The following MYCT1 variants were observed in gnomAD, a reference collection of about 807,000 sequenced individuals.
The protein encoded by MYCT1 is MYC target 1.
A neutral mutation model predicts 15.0 loss-of-function variants in MYCT1; 12 were observed. The observed-to-expected ratio is 0.80, with a 90% CI of 0.51 to 1.29. MYCT1 has a LOEUF of 1.29. Ranked by LOEUF, MYCT1 falls within the 50% of genes most tolerant of loss-of-function variation. MYCT1 has a pLI of 0.00. For synonymous variants in MYCT1, 104 were observed against 102.7 expected (o/e 1.01, Z -0.07); for missense variants, 287 against 279.1 (o/e 1.03, Z -0.20).
chr6:152,722,200 A>G lies in MYCT1; in HGVS notation c.655A>G (p.Thr219Ala). 1.9e-6 allele frequency: 3 copies of G among 1,614,066 alleles called. No individual in the cohort carries two copies. Among genetic ancestry groups the G allele is most frequent in the Admixed American group, 1.7e-5 (1 of 60,002 alleles). Residue 219 changes from threonine (T) to alanine (A), a missense_variant, in exon 2 of 2, where the codon ACA becomes GCA. Transcript: ENST00000367245. ...TAACAGTCTTCGAGTGGGCCTTTCA[A>G]CACCGCCCCCACCTGCCTATGAGTC... ...SSNSLRVGLSTPPPPAYESII... is the reference protein window; with the variant it reads ...SSNSLRVGLSAPPPPAYESII...
chr6:152,706,838 A>G (rs2099722353), intron 1 of MYCT1, among the ~76,000 whole-genome samples: 1 of 134,082 alleles, frequency 7.5e-6, no homozygotes. Context: ...TCCATTATAG[A>G]AACCATATAT....
intron 1 of MYCT1, among the ~76,000 whole-genome samples, chr6:152,701,084 C>T (rs1205939620): frequency 6.6e-6 from 1 of 152,044 alleles, no homozygotes; most frequent in Non-Finnish European, 1.5e-5. Context: ...GAAATAATCC[C>T]TAAATCTTTC....
At chr6:152,735,890 G>T in the MYCT1 span, among the ~76,000 whole-genome samples, 1 of 151,972 alleles carries the variant, frequency 6.6e-6, no homozygotes, top group Non-Finnish European at 1.5e-5. Flanking sequence ...ACAGTTAAAA[G>T]AAAAAAGCCC....
chr6:152,716,018 C>G (rs1281095685), intron 1 of MYCT1, among the ~76,000 whole-genome samples: 1 of 152,290 alleles, frequency 6.6e-6, no homozygotes, highest in East Asian at 1.9e-4. Flanking sequence ...ATAATGTTCT[C>G]TCTGACTACT....
At chr6:152,704,207 G>T (rs1027348125) in intron 1 of MYCT1, among the ~76,000 whole-genome samples, 3 of 151,854 alleles carry the variant, frequency 2.0e-5, no homozygotes, top group Admixed American at 6.6e-5. Context: ...TTGCCATGTT[G>T]CCCAGACTAG....
chr6:152,726,543 TCA>T (rs149277022), downstream of MYCT1, among the ~76,000 whole-genome samples: 913 of 152,270 alleles, frequency 6.0e-3, 6 homozygotes, highest in African/African-American at 0.021. Flanking sequence ...GTTTTCTAAA[TCA>T]CAGTTCGGTG....
chr6:152,719,303 A>G (rs1166389608), intron 1 of MYCT1, among the ~76,000 whole-genome samples: 2 of 152,186 alleles, frequency 1.3e-5, no homozygotes, highest in Non-Finnish European at 2.9e-5. Context: ...GAATCGACCA[A>G]TTTTTATGCA....
chr6:152,726,345 C>T (rs989153661), downstream of MYCT1, among the ~76,000 whole-genome samples: 3 of 148,048 alleles, frequency 2.0e-5, no homozygotes, highest in South Asian at 2.1e-4. Flanking sequence ...TACAGTGAGC[C>T]GAGATTGTGC....
intron 1 of MYCT1, among the ~76,000 whole-genome samples, chr6:152,700,130 A>G (rs1200184809): frequency 6.6e-6 from 1 of 152,192 alleles, no homozygotes; most frequent in Non-Finnish European, 1.5e-5. Flanking sequence ...AAATATAAAC[A>G]TATAAAATGT....
In MYCT1 at chr6:152,720,354, C is replaced by T. The variant is rs146291227; in HGVS notation, c.197-1388C>T. 9.8e-3 allele frequency among the ~76,000 whole-genome samples: 1,486 copies of T among 151,952 alleles called. 35 individuals are homozygous for T. Among genetic ancestry groups the T allele is most frequent in the Non-Finnish European group, 8.8e-3 (595 of 67,984 alleles). Reference sequence around the variant, plus strand: ...CGTCAAAGCAAGTCATGAAGCCTGCCCAGATTCAAGGGGTGGGGAAATAGA... The same window carrying T: ...CGTCAAAGCAAGTCATGAAGCCTGCTCAGATTCAAGGGGTGGGGAAATAGA... On this transcript the variant is annotated intron_variant, in intron 1 of 1. Coordinates refer to ENST00000367245, the MANE Select transcript of MYCT1 (RefSeq NM_025107.3).
At chr6:152,707,447 C>G (rs2882053) in intron 1 of MYCT1, among the ~76,000 whole-genome samples, 1 of 151,834 alleles carries the variant, frequency 6.6e-6, no homozygotes, top group South Asian at 2.1e-4. Flanking sequence ...TTCTCTCATT[C>G]TGTAGGCGTC....
intron 1 of MYCT1, among the ~76,000 whole-genome samples, chr6:152,717,375 C>A (rs528722778): frequency 6.6e-6 from 1 of 152,234 alleles, no homozygotes; most frequent in East Asian, 1.9e-4. Flanking sequence ...TAATATTCTG[C>A]AAGGTATAAG....
intron 1 of MYCT1, among the ~76,000 whole-genome samples, chr6:152,699,843 T>A (rs923218450): frequency 6.6e-6 from 1 of 152,120 alleles, no homozygotes; most frequent in Non-Finnish European, 1.5e-5. Context: ...ATTCTAAAAA[T>A]TTAGATATTT....
At chr6:152,714,398 C>A (rs2099723280) in intron 1 of MYCT1, among the ~76,000 whole-genome samples, 1 of 142,170 alleles carries the variant, frequency 7.0e-6, no homozygotes, top group South Asian at 2.2e-4. Flanking sequence ...GTGATCTTTT[C>A]CTAGCTTCTT....
At chr6:152,706,899 A>G (rs2099722382) in intron 1 of MYCT1, among the ~76,000 whole-genome samples, 1 of 150,982 alleles carries the variant, frequency 6.6e-6, no homozygotes, top group African/African-American at 2.4e-5. Context: ...CACCATATTT[A>G]TCCATTCATC....
chr6:152,703,784 A>G (rs2129068384), intron 1 of MYCT1, among the ~76,000 whole-genome samples: 1 of 152,222 alleles, frequency 6.6e-6, no homozygotes, highest in South Asian at 2.1e-4. Flanking sequence ...CTCCCAGTCT[A>G]AAGGCTTTAA....
At chr6:152,733,789 G>A in the MYCT1 span, among the ~76,000 whole-genome samples, 1 of 152,166 alleles carries the variant, frequency 6.6e-6, no homozygotes, top group East Asian at 1.9e-4. Flanking sequence ...TAAGGTCTCT[G>A]TTCTTAACAA....
chr6:152,738,085 A>G, the MYCT1 span, among the ~76,000 whole-genome samples: 1 of 152,090 alleles, frequency 6.6e-6, no homozygotes, highest in African/African-American at 2.4e-5. Flanking sequence ...GGGGAAAACC[A>G]TGGGTCTTAC....
At chr6:152,725,980 A>T (rs1360915150), downstream of MYCT1, among the ~76,000 whole-genome samples, 1 of 152,226 alleles carries the variant, frequency 6.6e-6, no homozygotes, top group Admixed American at 6.5e-5. Context: ...AGGAGAGACG[A>T]AAATAACAAA....
Sources: allele counts gnomAD v4.1 joint callset (sites outside exome capture counted in the v4.1 genomes callset), GRCh38; gene constraint gnomAD v4.1.1; transcripts MANE v1.5; gene names NCBI Gene and HGNC (gene_info 2026-07-23, HGNC 2026-07-21).